Variants in HDAC9 observed in about 807,000 individuals in gnomAD.
The protein encoded by HDAC9 is histone deacetylase 9, also known as MEF-2 interacting transcription repressor (MITR) protein.
A neutral mutation model predicts 139.4 loss-of-function variants in HDAC9; 41 were observed. The observed-to-expected ratio is 0.29, with a 90% CI of 0.23 to 0.38. The LOEUF (loss-of-function observed/expected upper bound fraction) is 0.38. Among genes scored for constraint, HDAC9 ranks in the 10% least tolerant of loss-of-function variants. HDAC9 has a pLI of 1.00. For missense variants in HDAC9, 1,147 were observed against 1,297.0 expected (o/e 0.88, Z 1.78); for synonymous variants, 517 against 476.2 (o/e 1.09, Z -1.12).
At chr7:18,855,865 T>C (rs532164335) in intron 21 of HDAC9, among the ~76,000 whole-genome samples, 22 of 152,242 alleles carry the variant, frequency 1.4e-4, no homozygotes, top group African/African-American at 5.3e-4. Flanking sequence ...AAACATTCCT[T>C]CTTTTACTTC....
chr7:18,761,390 C>G (rs1789374529), intron 14 of HDAC9, among the ~76,000 whole-genome samples: 1 of 152,190 alleles, frequency 6.6e-6, no homozygotes, highest in East Asian at 1.9e-4. Context: ...TCTGATTAAA[C>G]AGCAGGTTTT....
At chr7:18,770,293 G>T (rs1790178361) in intron 16 of HDAC9, among the ~76,000 whole-genome samples, 1 of 152,014 alleles carries the variant, frequency 6.6e-6, no homozygotes. Flanking sequence ...CTGTGTGATT[G>T]CACTACAAGA....
chr7:18,733,852 G>C (rs1405173075), intron 13 of HDAC9, among the ~76,000 whole-genome samples: 1 of 152,086 alleles, frequency 6.6e-6, no homozygotes, highest in Admixed American at 6.6e-5. Flanking sequence ...GCACTGAAGA[G>C]TAGAAGTCTG....
chr7:18,501,662 A>G (rs981674202), intron 2 of HDAC9, among the ~76,000 whole-genome samples: 1 of 152,140 alleles, frequency 6.6e-6, no homozygotes, highest in African/African-American at 2.4e-5. Flanking sequence ...TGAAGAATTC[A>G]TATAAAGATA....
chr7:18,900,502 C>T (rs894520649), intron 22 of HDAC9, among the ~76,000 whole-genome samples: 2 of 152,118 alleles, frequency 1.3e-5, no homozygotes, highest in African/African-American at 4.8e-5. Flanking sequence ...AGGGTTATTG[C>T]CTTTCTGGCC....
At chr7:18,287,484 T>C (rs890808580), upstream of HDAC9, among the ~76,000 whole-genome samples, 1 of 152,220 alleles carries the variant, frequency 6.6e-6, no homozygotes, top group African/African-American at 2.4e-5. Context: ...AAACTTTGCA[T>C]AGTTCAAAGA....
chr7:18,637,462 T>C (rs1784262724), intron 8 of HDAC9, among the ~76,000 whole-genome samples: 1 of 152,106 alleles, frequency 6.6e-6, no homozygotes, highest in Admixed American at 6.6e-5. Context: ...TTCAGCTAAT[T>C]GTTGAACATA....
chr7:18,326,878 T>A (rs1360974541), intron 1 of HDAC9, among the ~76,000 whole-genome samples: 1 of 151,958 alleles, frequency 6.6e-6, no homozygotes, highest in African/African-American at 2.4e-5. Flanking sequence ...AGTCTATTGA[T>A]GGGTTAAGTC....
intron 22 of HDAC9, among the ~76,000 whole-genome samples, chr7:18,902,155 A>G (rs746313549): frequency 6.6e-6 from 1 of 152,224 alleles, no homozygotes; most frequent in African/African-American, 2.4e-5. Context: ...TTCCTTAAGG[A>G]TGACAACAGT....
chr7:18,314,837 T>C (rs1347992254), intron 1 of HDAC9, among the ~76,000 whole-genome samples: 2 of 152,236 alleles, frequency 1.3e-5, no homozygotes, highest in Non-Finnish European at 2.9e-5. Context: ...GTCTTTTAAA[T>C]AAATGAAGTT....
chr7:18,639,216 T>C (rs1301628031), intron 8 of HDAC9, among the ~76,000 whole-genome samples: 1 of 152,120 alleles, frequency 6.6e-6, no homozygotes, highest in African/African-American at 2.4e-5. Flanking sequence ...TGTTGTTTCA[T>C]AATAGTTGTT....
chr7:18,702,789 CT>C (rs1783609949), intron 12 of HDAC9, among the ~76,000 whole-genome samples: 1 of 152,224 alleles, frequency 6.6e-6, no homozygotes, highest in South Asian at 2.1e-4. Flanking sequence ...TCTGCCCACA[CT>C]TTACTCTTTG....
At chr7:18,146,305 T>C (rs1786319870) in intron 1 of HDAC9, among the ~76,000 whole-genome samples, 1 of 152,190 alleles carries the variant, frequency 6.6e-6, no homozygotes. Flanking sequence ...TATAAATGAA[T>C]CTAGAATAAT....
At chr7:18,980,923 A>C (rs1784905242) in intron 25 of HDAC9, among the ~76,000 whole-genome samples, 1 of 151,758 alleles carries the variant, frequency 6.6e-6, no homozygotes, top group South Asian at 2.1e-4. Flanking sequence ...TCCCGGGTTC[A>C]AGCAATTCTC....
chr7:18,876,156 GC>G (rs1799303703), intron 22 of HDAC9, among the ~76,000 whole-genome samples: 1 of 152,120 alleles, frequency 6.6e-6, no homozygotes, highest in African/African-American at 2.4e-5. Flanking sequence ...GTTTCTTTTG[GC>G]CATTAGGTAT....
chr7:18,644,675 T>G lies in HDAC9; in HGVS notation c.917T>G (p.Met306Arg), dbSNP rs1339694689. The G allele has an allele frequency of 1.2e-6, 2 of 1,608,756 alleles. No homozygotes were observed. Among genetic ancestry groups the G allele is most frequent in the African/African-American group, 1.3e-5 (1 of 74,710 alleles). ...ACTCTCCTCTTTTTTTAACAGCAAATGGTTTCACAGCAACGCATTCTAATT... is the reference window on the plus strand; with the variant it reads ...ACTCTCCTCTTTTTTTAACAGCAAAGGGTTTCACAGCAACGCATTCTAATT... ...VLPPTPHAEQ[M>R]VSQQRILIHE... is the part of the protein sequence containing the mutation. The change falls in exon 9 of 26, where the codon ATG becomes AGG. Residue 306 changes from methionine to arginine, a missense_variant. Transcript: ENST00000686413.
At chr7:18,189,377 A>C (rs1197529428) in intron 2 of HDAC9, among the ~76,000 whole-genome samples, 1 of 152,028 alleles carries the variant, frequency 6.6e-6, no homozygotes, top group African/African-American at 2.4e-5. Flanking sequence ...TTTAGAGGAC[A>C]GGTCAATAGG....
intron 2 of HDAC9, among the ~76,000 whole-genome samples, chr7:18,232,876 G>A (rs998252611): frequency 6.6e-6 from 1 of 152,042 alleles, no homozygotes; most frequent in Non-Finnish European, 1.5e-5. Context: ...ATCATTCTCT[G>A]CTCCCCTTTC....
chr7:18,204,929 G>T (rs1049052384), intron 2 of HDAC9, among the ~76,000 whole-genome samples: 1 of 151,744 alleles, frequency 6.6e-6, no homozygotes, highest in South Asian at 2.1e-4. Context: ...TTGACTCTAG[G>T]TTTAAAAAGT....
Sources: gnomAD v4.1 joint callset for allele counts (sites outside exome capture counted in the v4.1 genomes callset) on GRCh38, gnomAD v4.1.1 for gene constraint, MANE v1.5 for transcripts, NCBI Gene and HGNC (gene_info 2026-07-23, HGNC 2026-07-21) for gene names.